The following LRRTM4 variants were observed in gnomAD, a reference collection of about 807,000 sequenced individuals.
LRRTM4 encodes the protein leucine rich repeat transmembrane neuronal 4.
LRRTM4 carries 25 observed loss-of-function variants against 47.6 expected under a neutral mutation model. The observed-to-expected ratio is 0.53, with a 90% confidence interval of 0.38 to 0.73. The LOEUF is 0.73. LRRTM4 is among the 30% of genes least tolerant of loss of function. LRRTM4 has a pLI of 0.00. For missense variants in LRRTM4, 638 were observed against 713.4 expected (o/e 0.89, Z 1.20); for synonymous variants, 311 against 269.5 (o/e 1.15, Z -1.51).
At chr2:76,994,855 A>G (rs115636643) in intron 3 of LRRTM4, among the ~76,000 whole-genome samples, 4 of 151,996 alleles carry the variant, frequency 2.6e-5, no homozygotes, top group Non-Finnish European at 5.9e-5. Context: ...TAATGCACAC[A>G]AAGTTTTATT....
At chr2:77,503,355 C>G (rs1331574522) in intron 3 of LRRTM4, among the ~76,000 whole-genome samples, 1 of 151,470 alleles carries the variant, frequency 6.6e-6, no homozygotes, top group African/African-American at 2.4e-5. Flanking sequence ...AAAGATAATT[C>G]TGGAGATTGT....
intron 3 of LRRTM4, among the ~76,000 whole-genome samples, chr2:77,089,440 G>C (rs1055713276): frequency 7.2e-6 from 1 of 138,722 alleles, no homozygotes; most frequent in African/African-American, 2.9e-5. Context: ...CCCCAACCTC[G>C]TATCTCTGTG....
chr2:77,388,364 A>C (rs1040714352), intron 3 of LRRTM4, among the ~76,000 whole-genome samples: 1 of 152,136 alleles, frequency 6.6e-6, no homozygotes, highest in Non-Finnish European at 1.5e-5. Flanking sequence ...TCTACGGCAG[A>C]CATTCAAAAC....
At chr2:77,010,945 T>C (rs1200758252) in intron 3 of LRRTM4, among the ~76,000 whole-genome samples, 1 of 152,080 alleles carries the variant, frequency 6.6e-6, no homozygotes, top group East Asian at 1.9e-4. Flanking sequence ...TCAAATAAAC[T>C]TGACATCAGT....
At chr2:77,068,181 G>A (rs1462446934) in intron 3 of LRRTM4, among the ~76,000 whole-genome samples, 1 of 151,998 alleles carries the variant, frequency 6.6e-6, no homozygotes, top group Non-Finnish European at 1.5e-5. Flanking sequence ...ATTTCAAATT[G>A]TTTAAAATAC....
intron 3 of LRRTM4, among the ~76,000 whole-genome samples, chr2:77,041,685 C>G (rs548266489): frequency 2.0e-5 from 3 of 150,986 alleles, no homozygotes; most frequent in Non-Finnish European, 4.4e-5. Context: ...ATCTGTTGGC[C>G]CTTTCTATGT....
intron 3 of LRRTM4, among the ~76,000 whole-genome samples, chr2:77,322,798 T>C (rs1677832825): frequency 6.7e-6 from 1 of 149,606 alleles, no homozygotes; most frequent in African/African-American, 2.5e-5. Context: ...AGTCCAGGAT[T>C]GAGGGTTGGG....
chr2:77,277,797 T>A (rs533288408), intron 3 of LRRTM4, among the ~76,000 whole-genome samples: 1 of 152,192 alleles, frequency 6.6e-6, no homozygotes, highest in East Asian at 1.9e-4. Flanking sequence ...TTACATTTGC[T>A]TGTCATATTT....
chr2:77,171,109 C>T (rs1247440989), intron 3 of LRRTM4, among the ~76,000 whole-genome samples: 1 of 151,892 alleles, frequency 6.6e-6, no homozygotes, highest in Admixed American at 6.6e-5. Flanking sequence ...TATCTTTTGA[C>T]GGTACCAGCT....
At chr2:77,178,625 C>CTT (rs1388391207) in intron 3 of LRRTM4, among the ~76,000 whole-genome samples, 2 of 151,424 alleles carry the variant, frequency 1.3e-5, no homozygotes, top group African/African-American at 4.9e-5. Context: ...ACAAATAATA[C>CTT]TTTTTTCTTT....
chr2:77,305,917 A>G (rs1677258013), intron 3 of LRRTM4, among the ~76,000 whole-genome samples: 1 of 152,156 alleles, frequency 6.6e-6, no homozygotes, highest in South Asian at 2.1e-4. Flanking sequence ...GGCATACATA[A>G]GCCAGGATAA....
At chr2:77,226,457 T>G (rs1018332699) in intron 3 of LRRTM4, among the ~76,000 whole-genome samples, 1 of 151,394 alleles carries the variant, frequency 6.6e-6, no homozygotes. Context: ...AGCATAAACA[T>G]GTAATCCTGC....
chr2:77,521,600 C>A, intron 2 of LRRTM4, 68 bp downstream of exon 2: 1 of 1,595,168 alleles, frequency 6.3e-7, no homozygotes, highest in Non-Finnish European at 8.6e-7. Context: ...TCTGCTAATG[C>A]CACGACTGAG....
In LRRTM4 at chr2:77,519,912, TA is replaced by T; in HGVS notation, c.5-49del. On this transcript the variant is annotated intron_variant, in intron 2 of 3. Transcript: ENST00000409884. This position sits in a 1 kb window ranked among gnomAD's most constrained non-coding sequence, Gnocchi z 4.6. ...GATGCACATTGTGAAGCTATTAAAA[TA>T]AATCACCGTCGGTTTACCAACAACA... The T allele has an allele frequency of 2.0e-6, 3 of 1,491,422 alleles. No homozygotes were observed. Among genetic ancestry groups the T allele is most frequent in the Non-Finnish European group, 2.7e-6 (3 of 1,119,618 alleles). The allele number at this position is 1,491,422 out of a possible 1,614,324, so 92.4% of individuals were successfully genotyped here.
chr2:76,964,443 CTCT>C (rs1382212361), intron 3 of LRRTM4, among the ~76,000 whole-genome samples: 2 of 150,890 alleles, frequency 1.3e-5, no homozygotes, highest in African/African-American at 4.8e-5. Flanking sequence ...CTGAAATGTC[CTCT>C]GATTCTTCTG....
chr2:76,775,037 G>A (rs1469690477), intron 3 of LRRTM4, among the ~76,000 whole-genome samples: 2 of 152,046 alleles, frequency 1.3e-5, no homozygotes, highest in Non-Finnish European at 2.9e-5. Flanking sequence ...CTTAGCTCTC[G>A]AATTTCTCCA....
At chr2:77,213,086 A>C (rs1433254002) in intron 3 of LRRTM4, among the ~76,000 whole-genome samples, 1 of 152,194 alleles carries the variant, frequency 6.6e-6, no homozygotes, top group African/African-American at 2.4e-5. Context: ...TTGGTGGAAT[A>C]GTAATTTTCC....
At chr2:76,891,718 A>G (rs1277601980) in intron 3 of LRRTM4, among the ~76,000 whole-genome samples, 2 of 151,778 alleles carry the variant, frequency 1.3e-5, no homozygotes, top group Admixed American at 6.6e-5. Flanking sequence ...ATAAACTCCA[A>G]ATGAAAAAGA....
intron 3 of LRRTM4, among the ~76,000 whole-genome samples, chr2:77,258,183 A>T (rs1400421105): frequency 6.6e-6 from 1 of 152,084 alleles, no homozygotes; most frequent in Non-Finnish European, 1.5e-5. Context: ...AAAGGTAAAA[A>T]TAGCGACACC....
Sources: gnomAD v4.1 joint callset for allele counts (sites outside exome capture counted in the v4.1 genomes callset) on GRCh38, gnomAD v4.1.1 for gene constraint, Gnocchi (gnomAD v3.1) non-coding constraint, MANE v1.5 for transcripts, NCBI Gene and HGNC (gene_info 2026-07-23, HGNC 2026-07-21) for gene names.